The following RAP1GDS1 variants were observed in gnomAD, a reference collection of about 807,000 sequenced individuals.
RAP1GDS1 encodes Rap1 GTPase-GDP dissociation stimulator 1.
A neutral mutation model predicts 71.1 loss-of-function variants in RAP1GDS1; 35 were observed. The observed-to-expected ratio is 0.49, with a 90% CI of 0.38 to 0.65. RAP1GDS1 has a LOEUF of 0.65. Ranked by LOEUF, RAP1GDS1 falls within the 30% of genes least tolerant of loss-of-function variation. The pLI is 0.00. For synonymous variants in RAP1GDS1, 229 were observed against 243.1 expected (o/e 0.94, Z 0.54); for missense variants, 663 against 706.1 (o/e 0.94, Z 0.69).
At chr4:98,374,099 A>T (rs1740810589) in intron 4 of RAP1GDS1, among the ~76,000 whole-genome samples, 1 of 152,172 alleles carries the variant, frequency 6.6e-6, no homozygotes, top group Non-Finnish European at 1.5e-5. Flanking sequence ...GCAGAAAGTA[A>T]AACCATGGAT....
chr4:98,344,535 A>G (rs866101300), intron 3 of RAP1GDS1, among the ~76,000 whole-genome samples: 3 of 152,200 alleles, frequency 2.0e-5, no homozygotes, highest in Admixed American at 6.5e-5. Context: ...CCATTCCTAT[A>G]TTCTCTTACT....
At chr4:98,410,189 T>C (rs554512144) in intron 7 of RAP1GDS1, among the ~76,000 whole-genome samples, 10 of 152,248 alleles carry the variant, frequency 6.6e-5, no homozygotes, top group Non-Finnish European at 1.2e-4. Flanking sequence ...GAGAATATAA[T>C]TATAACATAT....
chr4:98,272,446 G>A (rs906286229), intron 1 of RAP1GDS1, among the ~76,000 whole-genome samples: 1 of 152,156 alleles, frequency 6.6e-6, no homozygotes, highest in Admixed American at 6.5e-5. Context: ...GAGAGGTCAA[G>A]TGAATATGGC....
At chr4:98,361,523 A>G (rs1738751608) in intron 4 of RAP1GDS1, among the ~76,000 whole-genome samples, 1 of 152,166 alleles carries the variant, frequency 6.6e-6, no homozygotes, top group Non-Finnish European at 1.5e-5. Flanking sequence ...TAGGAAATGT[A>G]TTGCCATTTA....
rs759312643 is a variant in RAP1GDS1, at chr4:98,404,589, A to T, written c.750A>T (p.Pro250=). The change falls in exon 7 of 15, where the codon CCA becomes CCT. Residue 250 remains proline (P), a synonymous_variant. Coordinates refer to ENST00000408927, the MANE Select transcript of RAP1GDS1 (RefSeq NM_001100427.2). ...AAATGATTTTTGAAGTTCTTGCTCC[A>T]TTGGCAGAAAATGGTGAGAAACTTA... ...KREMIFEVLA[P]LAENDAIKLQ... is the part of the protein sequence containing the mutation. The T allele has an allele frequency of 8.8e-6, 14 of 1,599,822 alleles. No individual in the cohort carries two copies. Among genetic ancestry groups the T allele is most frequent in the Non-Finnish European group, 1.2e-5 (14 of 1,175,324 alleles).
chr4:98,311,576 T>TA (rs571015161), intron 2 of RAP1GDS1, among the ~76,000 whole-genome samples: 190 of 152,302 alleles, frequency 1.2e-3, no homozygotes, highest in African/African-American at 4.3e-3. Context: ...TGCTTTTTCT[T>TA]ATTTTCTTGT....
At chr4:98,302,931 A>G (rs1162796162) in intron 2 of RAP1GDS1, among the ~76,000 whole-genome samples, 1 of 152,118 alleles carries the variant, frequency 6.6e-6, no homozygotes, top group African/African-American at 2.4e-5. Context: ...CTGTAATCCT[A>G]GCTACCTGGG....
chr4:98,334,378 A>G (rs764464050), intron 2 of RAP1GDS1, among the ~76,000 whole-genome samples: 4 of 152,150 alleles, frequency 2.6e-5, no homozygotes, highest in Admixed American at 6.5e-5. Context: ...TAAATATTCA[A>G]TGTTTACATT....
chr4:98,438,426 T>A (rs1454543759), intron 14 of RAP1GDS1, among the ~76,000 whole-genome samples: 1 of 151,598 alleles, frequency 6.6e-6, no homozygotes, highest in Non-Finnish European at 1.5e-5. Context: ...CCCTTTTGTG[T>A]ATTTAGACCA....
intron 12 of RAP1GDS1, among the ~76,000 whole-genome samples, chr4:98,423,780 G>C (rs1749222252): frequency 6.6e-6 from 1 of 152,086 alleles, no homozygotes; most frequent in South Asian, 2.1e-4. Context: ...CCGACCTCAG[G>C]TGATCCGCCT....
At chr4:98,297,097 ATT>A (rs1727896273) in intron 2 of RAP1GDS1, 1 of 155,502 alleles carries the variant, frequency 6.4e-6, no homozygotes, top group African/African-American at 2.7e-5. Flanking sequence ...GTAATTGTTT[ATT>A]TTTTATAGAA....
At chr4:98,324,578 G>C (rs981697385) in intron 2 of RAP1GDS1, among the ~76,000 whole-genome samples, 3 of 145,316 alleles carry the variant, frequency 2.1e-5, no homozygotes, top group East Asian at 2.0e-4. Context: ...CAGAGATATA[G>C]ATCAATGGAA....
intron 5 of RAP1GDS1, among the ~76,000 whole-genome samples, chr4:98,389,207 G>C (rs1416986933): frequency 6.6e-6 from 1 of 152,080 alleles, no homozygotes; most frequent in East Asian, 1.9e-4. Context: ...CTCTGAAAGG[G>C]TTCCAGGGAC....
intron 14 of RAP1GDS1, among the ~76,000 whole-genome samples, chr4:98,439,516 A>T (rs574554313): frequency 6.6e-6 from 1 of 152,008 alleles, no homozygotes; most frequent in Non-Finnish European, 1.5e-5. Context: ...GCCCCATTCT[A>T]TCCACTCTTT....
intron 2 of RAP1GDS1, among the ~76,000 whole-genome samples, chr4:98,314,732 AAT>A (rs1369671401): frequency 3.9e-5 from 6 of 152,168 alleles, no homozygotes; most frequent in African/African-American, 1.4e-4. Context: ...AATACAGTAT[AAT>A]ATATTATATA....
At chr4:98,393,101 T>A (rs999946958) in intron 6 of RAP1GDS1, among the ~76,000 whole-genome samples, 11 of 152,336 alleles carry the variant, frequency 7.2e-5, no homozygotes, top group African/African-American at 2.4e-4. Flanking sequence ...AATGGTGTTT[T>A]GTCATAGCTA....
At chr4:98,394,159 T>C (rs1041082637) in intron 6 of RAP1GDS1, among the ~76,000 whole-genome samples, 3 of 152,174 alleles carry the variant, frequency 2.0e-5, no homozygotes, top group Admixed American at 6.5e-5. Flanking sequence ...TAAGAACTTA[T>C]ATAATTGTAG....
intron 2 of RAP1GDS1, among the ~76,000 whole-genome samples, chr4:98,306,296 G>A (rs976204742): frequency 6.6e-6 from 1 of 152,170 alleles, no homozygotes; most frequent in Non-Finnish European, 1.5e-5. Context: ...GTGCTGGTAG[G>A]TTCAGAGTCC....
At chr4:98,383,363 A>G (rs1392561422) in intron 5 of RAP1GDS1, among the ~76,000 whole-genome samples, 1 of 151,538 alleles carries the variant, frequency 6.6e-6, no homozygotes, top group Non-Finnish European at 1.5e-5. Context: ...AATTATTAAC[A>G]TATGCAGTCT....
Sources: allele counts gnomAD v4.1 joint callset (sites outside exome capture counted in the v4.1 genomes callset), GRCh38; gene constraint gnomAD v4.1.1; transcripts MANE v1.5; gene names NCBI Gene and HGNC (gene_info 2026-07-23, HGNC 2026-07-21).